PDE3A: variants seen among roughly 807,000 people sequenced by gnomAD.
The protein encoded by PDE3A is cGMP-inhibited 3',5'-cyclic phosphodiesterase 3A.
Under a neutral mutation model 98.3 loss-of-function variants are expected in PDE3A, and 43 were observed. The observed-to-expected ratio is 0.44, with a 90% confidence interval of 0.34 to 0.56. The LOEUF (loss-of-function observed/expected upper bound fraction) is 0.56. PDE3A is among the 20% of genes least tolerant of loss of function. PDE3A has a pLI of 0.01. For missense variants in PDE3A, 1,427 were observed against 1,440.7 expected, an observed-to-expected ratio of 0.99 and a Z score of 0.15; for synonymous variants, 663 against 567.9, an observed-to-expected ratio of 1.17 and a Z score of -2.38.
rs555955153 is a variant in PDE3A, at chr12:20,567,422, T to A, written c.1011+10712T>A. ...TCTGTTTTGAAAGCGTACAGCTAAG[T>A]TGAGATTCCCAACTTTTAATGTCCA... On this transcript the variant is annotated intron_variant, in intron 2 of 15. Transcript: ENST00000359062. Among the ~76,000 whole-genome samples the A allele has an allele frequency of 7.2e-5, 11 of 152,124 alleles. No individual in the cohort carries two copies. The South Asian group carries it at 2.3e-3, about 32-fold the overall frequency.
intron 1 of PDE3A, among the ~76,000 whole-genome samples, chr12:20,523,251 C>T (rs1946461866): frequency 6.6e-6 from 1 of 152,152 alleles, no homozygotes; most frequent in African/African-American, 2.4e-5. Flanking sequence ...TCCCTCTTGA[C>T]TTTCACAGGC....
At chr12:20,486,760 G>A (rs1945734295) in intron 1 of PDE3A, among the ~76,000 whole-genome samples, 1 of 152,122 alleles carries the variant, frequency 6.6e-6, no homozygotes, top group African/African-American at 2.4e-5. Context: ...CAGCCTCCCA[G>A]GTAGCTGGGA....
intron 8 of PDE3A, 80 bp from the exon 9 acceptor site, chr12:20,637,019 TG>T (rs1473296781): frequency 3.4e-6 from 3 of 875,642 alleles, no homozygotes; most frequent in Non-Finnish European, 5.0e-6. Context: ...TAGCCACAGT[TG>T]TTATTGAATT....
chr12:20,652,628 C>T (rs1264130507), intron 14 of PDE3A, among the ~76,000 whole-genome samples: 1 of 151,908 alleles, frequency 6.6e-6, no homozygotes, highest in Non-Finnish European at 1.5e-5. Flanking sequence ...TTGTTTTTTT[C>T]TTGTAAATTT....
chr12:20,533,489 T>G (rs1014576319), intron 1 of PDE3A, among the ~76,000 whole-genome samples: 1 of 150,448 alleles, frequency 6.6e-6, no homozygotes, highest in Non-Finnish European at 1.5e-5. Context: ...TTTTTTTTTT[T>G]TTTTTGTTTT....
At chr12:20,653,834 A>G in intron 14 of PDE3A, 113 bp from the exon 15 acceptor site, 2 of 898,834 alleles carry the variant, frequency 2.2e-6, no homozygotes, top group Non-Finnish European at 3.5e-6. Flanking sequence ...CACTTGAGGT[A>G]GGATCCTTTA....
chr12:20,397,848 A>T lies in PDE3A; in HGVS notation c.960+27604A>T, dbSNP rs574512910. 4.4e-4 allele frequency among the ~76,000 whole-genome samples: 67 copies of T among 152,278 alleles called. No homozygotes were observed. The South Asian group carries it at 0.013, about 30-fold the overall frequency. Reference sequence around the variant, plus strand: ...ATTTTCTTAGATGCTAACAAAACTAATTATACAAATTCTGACAAAGTGGAC... The same window carrying T: ...ATTTTCTTAGATGCTAACAAAACTATTTATACAAATTCTGACAAAGTGGAC... On this transcript the variant is annotated intron_variant, in intron 1 of 15. Coordinates refer to ENST00000359062, the MANE Select transcript of PDE3A (RefSeq NM_000921.5).
chr12:20,554,355 C>T (rs1300485351), intron 1 of PDE3A, among the ~76,000 whole-genome samples: 4 of 85,622 alleles, frequency 4.7e-5, no homozygotes, highest in African/African-American at 1.7e-4. Flanking sequence ...ATGTTTTTCA[C>T]AGATAAAAAA....
rs941224890 is a variant in PDE3A at position 20,646,614 on chromosome 12, A to G, written c.2365+11A>G. On this transcript the variant is annotated intron_variant, in intron 11 of 15. Transcript: ENST00000359062. ...CAACCAGTGATTCAGGTATGTACGA[A>G]GTGAATCTGCACTGCCTTATGAAAG... 8 of 1,487,534 alleles carry G rather than the reference A, an allele frequency of 5.4e-6. No individual in the cohort carries two copies. In the East Asian group the frequency reaches 1.8e-4, roughly 34 times the overall value. 92.1% of individuals were successfully genotyped at this position (1,487,534 alleles called of 1,614,324 possible).
At chr12:20,528,808 T>C (rs1012667043) in intron 1 of PDE3A, among the ~76,000 whole-genome samples, 3 of 151,798 alleles carry the variant, frequency 2.0e-5, no homozygotes, top group African/African-American at 7.3e-5. Context: ...ATACTATGAT[T>C]TATCAAAATA....
chr12:20,503,586 T>G (rs1406463505), intron 1 of PDE3A, among the ~76,000 whole-genome samples: 1 of 152,116 alleles, frequency 6.6e-6, no homozygotes, highest in Non-Finnish European at 1.5e-5. Flanking sequence ...GATCATTCCC[T>G]ATTATATAGA....
At chr12:20,473,279 G>C (rs754092349) in intron 1 of PDE3A, among the ~76,000 whole-genome samples, 1 of 152,136 alleles carries the variant, frequency 6.6e-6, no homozygotes, top group Admixed American at 6.5e-5. Flanking sequence ...AAAACTTACA[G>C]TCCCTTGTCG....
At chr12:20,447,933 AT>A (rs901061185) in intron 1 of PDE3A, among the ~76,000 whole-genome samples, 4 of 152,126 alleles carry the variant, frequency 2.6e-5, no homozygotes, top group Non-Finnish European at 5.9e-5. Flanking sequence ...GAATTAGACG[AT>A]GCTCAGCTGG....
intron 4 of PDE3A, among the ~76,000 whole-genome samples, chr12:20,620,636 T>A (rs1376034342): frequency 6.6e-6 from 1 of 152,096 alleles, no homozygotes; most frequent in African/African-American, 2.4e-5. Flanking sequence ...ATAAGCAACC[T>A]AGGCAGACCA....
chr12:20,369,486 G>T lies in PDE3A; in HGVS notation c.202G>T (p.Gly68Cys), dbSNP rs752883722. 6.4e-7 allele frequency: 1 copy of T among 1,557,550 alleles called. No homozygotes were observed. ...SRKLSSALCA[G>C]SLSFLLALLV... ...GAAACTTTCCTCCGCGCTGTGCGCGGGCTCCCTGTCCTTTCTGCTGGCGCT... is the reference window on the plus strand; with the variant it reads ...GAAACTTTCCTCCGCGCTGTGCGCGTGCTCCCTGTCCTTTCTGCTGGCGCT... Residue 68 changes from glycine to cysteine, a missense_variant, in exon 1 of 16, where the codon GGC (glycine) becomes TGC (cysteine). Around this residue, in one of 3 missense-constraint regions of PDE3A, gnomAD observed 1,012 missense variants for 886.5 expected, o/e 1.14. Coordinates refer to ENST00000359062, the MANE Select transcript of PDE3A (RefSeq NM_000921.5).
chr12:20,571,939 A>G (rs1942810216), intron 2 of PDE3A: 1 of 1,065,010 alleles, frequency 9.4e-7, no homozygotes. Context: ...AGTGGGGCAT[A>G]AAATGGGAAA....
chr12:20,407,001 G>A (rs915621968), intron 1 of PDE3A, among the ~76,000 whole-genome samples: 3 of 152,096 alleles, frequency 2.0e-5, no homozygotes, highest in African/African-American at 4.8e-5. Context: ...TTAGGTGACC[G>A]CATGTGCATA....
Position 20,369,493 on chromosome 12 carries a change from T to A in PDE3A, c.209T>A (p.Leu70Gln). The change falls in exon 1 of 16, where the codon CTG (leucine) becomes CAG (glutamine). Residue 70 changes from leucine to glutamine, a missense_variant. Coordinates refer to ENST00000359062, the MANE Select transcript of PDE3A (RefSeq NM_000921.5). ...TCCTCCGCGCTGTGCGCGGGCTCCC[T>A]GTCCTTTCTGCTGGCGCTGCTGGTG... Reference protein sequence around the residue: ...KLSSALCAGSLSFLLALLVRL... With the variant: ...KLSSALCAGSQSFLLALLVRL... The A allele has an allele frequency of 6.4e-7, 1 of 1,558,372 alleles. No homozygotes were observed. Among genetic ancestry groups the A allele is most frequent in the Non-Finnish European group, 8.7e-7 (1 of 1,151,260 alleles).
intron 15 of PDE3A, among the ~76,000 whole-genome samples, chr12:20,674,950 A>G (rs570924404): frequency 9.2e-5 from 14 of 151,810 alleles, no homozygotes; most frequent in African/African-American, 2.9e-4. Context: ...TAGTTCTCTT[A>G]TCTTTATTAT....
Sources: allele counts gnomAD v4.1 joint callset (sites outside exome capture counted in the v4.1 genomes callset), GRCh38; gene constraint gnomAD v4.1.1; regional missense constraint gnomAD v4.1.1; transcripts MANE v1.5; gene names NCBI Gene and HGNC (gene_info 2026-07-23, HGNC 2026-07-21).